CAST: variants seen among roughly 807,000 people sequenced by gnomAD.
CAST encodes the protein calpastatin.
CAST carries 76 observed loss-of-function variants against 119.6 expected under a neutral mutation model. The ratio of observed to expected loss-of-function variants is 0.64; its 90% CI spans 0.53 to 0.77. The LOEUF (loss-of-function observed/expected upper bound fraction) is 0.77. Ranked by LOEUF, CAST falls within the 30% of genes least tolerant of loss-of-function variation. The pLI, the probability that CAST is intolerant of heterozygous loss-of-function variation, is 0.00. For missense variants in CAST, 953 were observed against 946.5 expected, an observed-to-expected ratio of 1.01 and a Z score of -0.09; for synonymous variants, 319 against 331.6, an observed-to-expected ratio of 0.96 and a Z score of 0.41.
chr5:96,259,486 T>C, the CAST span, among the ~76,000 whole-genome samples: 5 of 152,312 alleles, frequency 3.3e-5, no homozygotes, highest in East Asian at 9.6e-4. Flanking sequence ...CAAGCTAGCA[T>C]AGGTCACATT....
the CAST span, among the ~76,000 whole-genome samples, chr5:96,282,060 C>T: frequency 6.6e-6 from 1 of 151,658 alleles, no homozygotes. Context: ...GTGGTTTGAC[C>T]AGACCTAGCA....
chr5:96,242,452 G>A, the CAST span, among the ~76,000 whole-genome samples: 4 of 152,230 alleles, frequency 2.6e-5, no homozygotes, highest in Admixed American at 6.5e-5. Flanking sequence ...TTTAAATGCT[G>A]ATGATCACCC....
chr5:96,256,617 AT>A, the CAST span, among the ~76,000 whole-genome samples: 1 of 151,864 alleles, frequency 6.6e-6, no homozygotes, highest in African/African-American at 2.4e-5. Context: ...AATGCTAAGT[AT>A]TTGTGTACCT....
At chr5:96,369,100 C>A in the CAST span, among the ~76,000 whole-genome samples, 33 of 151,610 alleles carry the variant, frequency 2.2e-4, no homozygotes, top group African/African-American at 7.0e-4. Context: ...TGGACTTTTA[C>A]TATTTGGATG....
intron 1 of CAST, among the ~76,000 whole-genome samples, chr5:96,624,562 C>A (rs1473743799): frequency 4.6e-5 from 7 of 152,286 alleles, no homozygotes; most frequent in African/African-American, 1.7e-4. Context: ...TAATATAATG[C>A]CCCACAAAAA....
At chr5:96,314,462 A>G in the CAST span, among the ~76,000 whole-genome samples, 2 of 152,222 alleles carry the variant, frequency 1.3e-5, no homozygotes, top group Non-Finnish European at 2.9e-5. Flanking sequence ...GGTGAAGCTG[A>G]GCAAATGGGG....
At chr5:96,533,449 A>G (rs961809513) in intron 1 of CAST, among the ~76,000 whole-genome samples, 1 of 152,218 alleles carries the variant, frequency 6.6e-6, no homozygotes, top group African/African-American at 2.4e-5. Context: ...GAGAACACCA[A>G]TAACTTTTCA....
the CAST span, among the ~76,000 whole-genome samples, chr5:96,312,836 A>G: frequency 2.0e-5 from 3 of 152,138 alleles, no homozygotes; most frequent in Non-Finnish European, 2.9e-5. Context: ...AAGTTCAATC[A>G]GAGTTCCTCA....
At chr5:96,694,737 G>T (rs1753088037) in intron 2 of CAST, among the ~76,000 whole-genome samples, 1 of 152,182 alleles carries the variant, frequency 6.6e-6, no homozygotes, top group South Asian at 2.1e-4. Context: ...AGGTCTTGTT[G>T]AGGAAGCAAC....
chr5:96,402,389 A>G, the CAST span, among the ~76,000 whole-genome samples: 1 of 152,110 alleles, frequency 6.6e-6, no homozygotes, highest in Non-Finnish European at 1.5e-5. Context: ...CCATATTGAC[A>G]TTCCTAGCTG....
intron 16 of CAST, 144 bp from the exon 17 acceptor site, chr5:96,746,198 T>G (rs1309661659): frequency 3.1e-6 from 2 of 640,452 alleles, no homozygotes; most frequent in Admixed American, 2.5e-5. Context: ...CATCGTCTTG[T>G]GCTTTGTAGT....
At chr5:96,440,600 G>A in the CAST span, among the ~76,000 whole-genome samples, 2 of 152,204 alleles carry the variant, frequency 1.3e-5, no homozygotes, top group Middle Eastern at 6.8e-3. Flanking sequence ...AATGGCAGCA[G>A]GGTGAGGGGG....
At chr5:96,155,190 C>T in the CAST span, among the ~76,000 whole-genome samples, 2 of 152,178 alleles carry the variant, frequency 1.3e-5, no homozygotes, top group Non-Finnish European at 2.9e-5. Flanking sequence ...TTACAATGTG[C>T]TTTCACCCAC....
At chr5:96,286,942 C>G in the CAST span, among the ~76,000 whole-genome samples, 1 of 152,048 alleles carries the variant, frequency 6.6e-6, no homozygotes, top group East Asian at 1.9e-4. Context: ...GAAACATTAT[C>G]CATTTTGTGA....
the CAST span, chr5:96,397,352 A>C: frequency 6.2e-7 from 1 of 1,613,022 alleles, no homozygotes; most frequent in Non-Finnish European, 8.5e-7. Flanking sequence ...TGTAATTCTC[A>C]AAGTCCAAGT....
intron 1 of CAST, among the ~76,000 whole-genome samples, chr5:96,591,547 T>TA (rs1746962473): frequency 1.3e-5 from 2 of 152,132 alleles, no homozygotes; most frequent in Admixed American, 6.6e-5. Flanking sequence ...AATTAATCTA[T>TA]AAAAAAGATC....
chr5:95,977,170 C>T, the CAST span, among the ~76,000 whole-genome samples: 1 of 152,192 alleles, frequency 6.6e-6, no homozygotes, highest in South Asian at 2.1e-4. Context: ...ATGCCACAAA[C>T]TGGGCAACTT....
the CAST span, among the ~76,000 whole-genome samples, chr5:96,194,212 A>C: frequency 6.6e-6 from 1 of 152,210 alleles, no homozygotes; most frequent in Admixed American, 6.5e-5. Flanking sequence ...TACATAGAAG[A>C]GACACACTGA....
At chr5:96,575,092 C>T (rs1044839325) in intron 1 of CAST, among the ~76,000 whole-genome samples, 7 of 152,040 alleles carry the variant, frequency 4.6e-5, no homozygotes, top group African/African-American at 1.7e-4. Flanking sequence ...ATTTAATCTG[C>T]ATTTTATAAT....
Sources: gnomAD v4.1 joint callset for allele counts (sites outside exome capture counted in the v4.1 genomes callset) on GRCh38, gnomAD v4.1.1 for gene constraint, MANE v1.5 for transcripts, NCBI Gene and HGNC (gene_info 2026-07-23, HGNC 2026-07-21) for gene names.